The following PATJ variants were observed in gnomAD, a reference collection of about 807,000 sequenced individuals.
PATJ encodes PATJ crumbs cell polarity complex component.
Under a neutral mutation model 224.9 loss-of-function variants are expected in PATJ, and 190 were observed. The observed-to-expected ratio is 0.84, with a 90% confidence interval of 0.75 to 0.95. The LOEUF (loss-of-function observed/expected upper bound fraction) is 0.95. PATJ is among the 40% of genes least tolerant of loss of function. The pLI is 0.00. For missense variants in PATJ, 2,121 were observed against 2,270.3 expected (o/e 0.93, Z 1.34); for synonymous variants, 769 against 820.3 (o/e 0.94, Z 1.07).
intron 9 of PATJ, among the ~76,000 whole-genome samples, chr1:61,792,617 G>A (rs938142245): frequency 1.3e-5 from 2 of 151,488 alleles, no homozygotes; most frequent in African/African-American, 4.9e-5. Flanking sequence ...TGCAACCTCC[G>A]CCTCCCAGGT....
chr1:61,942,710 C>G (rs10889274), intron 27 of PATJ, among the ~76,000 whole-genome samples: 6,571 of 152,078 alleles, frequency 0.043, 525 homozygotes, highest in African/African-American at 0.15. Flanking sequence ...ACCACCACAC[C>G]CAGCTAATTT....
At chr1:61,773,482 A>T (rs1646731919) in intron 6 of PATJ, among the ~76,000 whole-genome samples, 1 of 151,672 alleles carries the variant, frequency 6.6e-6, no homozygotes, top group South Asian at 2.1e-4. Flanking sequence ...AGCCTGGGGA[A>T]CATAGTCAAA....
intron 27 of PATJ, among the ~76,000 whole-genome samples, chr1:61,960,563 T>C (rs1681122146): frequency 6.6e-6 from 1 of 151,376 alleles, no homozygotes; most frequent in Admixed American, 6.6e-5. Flanking sequence ...CTTGGGAGGC[T>C]GAGGCAGAAG....
chr1:61,933,202 G>T (rs1676284695), intron 27 of PATJ, among the ~76,000 whole-genome samples: 1 of 152,126 alleles, frequency 6.6e-6, no homozygotes, highest in African/African-American at 2.4e-5. Flanking sequence ...ATTTGTCAAA[G>T]GTATGTATTG....
chr1:62,104,970 G>A (rs1662718308), intron 33 of PATJ, among the ~76,000 whole-genome samples: 1 of 152,158 alleles, frequency 6.6e-6, no homozygotes. Flanking sequence ...GATTATAGGC[G>A]TGAGCCACTA....
chr1:61,959,428 T>TATATATATAATATATA (rs1557944975), intron 27 of PATJ, among the ~76,000 whole-genome samples: 2 of 109,024 alleles, frequency 1.8e-5, no homozygotes, highest in Admixed American at 9.3e-5. Context: ...ATAATATATT[T>TATATATATAATATATA]TTTTTCTTTT....
rs1301352006 is a variant in PATJ, at chr1:61,801,598, A to T, written c.1403-25A>T. 5 of 1,416,120 alleles carry T rather than the reference A, an allele frequency of 3.5e-6. No homozygotes were observed. In the African/African-American group the frequency reaches 5.8e-5, roughly 16 times the overall value. The allele number at this position is 1,416,120 out of a possible 1,614,324, so 87.7% of individuals were successfully genotyped here. A position where few individuals can be genotyped will look rare whatever the true frequency, so the allele number is the denominator to read the frequency against. ...TTCAAGTTAGCATTAACAAAATTTT[A>T]AAAAATTATTTTTTTTTGTTTTAGG... On this transcript the variant is annotated intron_variant, in intron 11 of 43. Transcript: ENST00000642238.
intron 31 of PATJ, among the ~76,000 whole-genome samples, chr1:62,064,244 T>A (rs1656024136): frequency 6.6e-6 from 1 of 152,214 alleles, no homozygotes; most frequent in Non-Finnish European, 1.5e-5. Flanking sequence ...TTTCTGAGTC[T>A]ACTAAGATGA....
intron 9 of PATJ, among the ~76,000 whole-genome samples, chr1:61,795,220 A>G (rs1324426759): frequency 6.6e-6 from 1 of 152,040 alleles, no homozygotes; most frequent in East Asian, 1.9e-4. Flanking sequence ...ATTAGAGTAC[A>G]TTTCATCAGG....
chr1:61,834,225 A>AT (rs1659811393), intron 17 of PATJ, among the ~76,000 whole-genome samples: 1 of 152,208 alleles, frequency 6.6e-6, no homozygotes, highest in South Asian at 2.1e-4. Context: ...TCCCATACAC[A>AT]TTAGCATTCG....
intron 25 of PATJ, among the ~76,000 whole-genome samples, chr1:61,908,912 G>T (rs1338929090): frequency 6.6e-6 from 1 of 152,202 alleles, no homozygotes; most frequent in Non-Finnish European, 1.5e-5. Flanking sequence ...TTGACATGTT[G>T]TACTGTTGTG....
At chr1:61,797,532 C>T in intron 11 of PATJ, 104 bp downstream of exon 11, 1 of 950,722 alleles carries the variant, frequency 1.1e-6, no homozygotes, top group African/African-American at 1.6e-5. Context: ...TGTTGTCCCA[C>T]CTCGTGTAAT....
chr1:61,859,324 C>G (rs1478582308), intron 18 of PATJ, among the ~76,000 whole-genome samples: 1 of 152,078 alleles, frequency 6.6e-6, no homozygotes, highest in Non-Finnish European at 1.5e-5. Context: ...GGAACTTCAC[C>G]CAGGCCTCCC....
intron 28 of PATJ, among the ~76,000 whole-genome samples, chr1:62,001,016 A>G (rs924135133): frequency 2.0e-5 from 3 of 151,902 alleles, no homozygotes; most frequent in African/African-American, 7.3e-5. Context: ...GTGTCTGCTC[A>G]TGTCCTTTTT....
At chr1:61,761,678 C>T (rs1645978981) in intron 1 of PATJ, among the ~76,000 whole-genome samples, 1 of 151,466 alleles carries the variant, frequency 6.6e-6, no homozygotes, top group Non-Finnish European at 1.5e-5. Context: ...CTGGGTGTTC[C>T]TCTATTTTTT....
intron 28 of PATJ, among the ~76,000 whole-genome samples, chr1:61,992,117 CTTTTTTTTTT>C: frequency 1.5e-5 from 2 of 136,284 alleles, no homozygotes; most frequent in East Asian, 4.2e-4. Flanking sequence ...CTGTGGGATT[CTTTTTTTTTT>C]TTTTTTTGAG....
At position 61,808,547 on chromosome 1, in the gene PATJ, A is replaced by G. The variant is rs773298635; in HGVS notation, c.1683+17A>G. 1.3e-4 allele frequency: 203 copies of G among 1,536,956 alleles called. No individual in the cohort carries two copies. Among genetic ancestry groups the G allele is most frequent in the Non-Finnish European group, 1.4e-4 (154 of 1,111,362 alleles). On this transcript the variant is annotated intron_variant, in intron 14 of 43. Transcript: ENST00000642238. ...TATTCAAAGGTAAGCATTTTTTATAACAAAGTTAACAGTTTTATTTTTTTT... is the reference window on the plus strand; with the variant it reads ...TATTCAAAGGTAAGCATTTTTTATAGCAAAGTTAACAGTTTTATTTTTTTT...
intron 8 of PATJ, among the ~76,000 whole-genome samples, chr1:61,789,702 C>T (rs1487781096): frequency 6.6e-6 from 1 of 152,022 alleles, no homozygotes; most frequent in Non-Finnish European, 1.5e-5. Flanking sequence ...ATTCCAGCTA[C>T]TCAGGAGGCT....
intron 25 of PATJ, 36 bp from the exon 26 acceptor site, chr1:61,914,551 G>T (rs11585422): frequency 0.27 from 274,629 of 1,025,418 alleles, 46,381 homozygotes; most frequent in African/African-American, 0.74. Flanking sequence ...TCGTTTAAAC[G>T]TTTTCTTCCC....
Sources: gnomAD v4.1 joint callset for allele counts (sites outside exome capture counted in the v4.1 genomes callset) on GRCh38, gnomAD v4.1.1 for gene constraint, MANE v1.5 for transcripts, NCBI Gene and HGNC (gene_info 2026-07-23, HGNC 2026-07-21) for gene names.